Variants in THOC2 observed in about 807,000 individuals in gnomAD.
The protein encoded by THOC2 is THO complex subunit 2.
In THOC2, 10 loss-of-function variants were observed where a neutral mutation model predicts 128.4. That is an observed-to-expected ratio of 0.08 (90% CI 0.05 to 0.13). The LOEUF is 0.13. Ranked by LOEUF, THOC2 falls within the 10% of genes least tolerant of loss-of-function variation. The probability of loss-of-function intolerance (pLI) is 1.00; values close to 1 mark genes in which losing one functional copy is unlikely to be tolerated. For missense variants in THOC2, 535 were observed against 1,155.7 expected (o/e 0.46, Z 7.79); for synonymous variants, 393 against 396.9 (o/e 0.99, Z 0.12).
intron 1 of THOC2, among the ~76,000 whole-genome samples, chrX:123,722,618 C>T (rs746310603): frequency 2.5e-4 from 27 of 108,240 alleles, no homozygotes; most frequent in Admixed American, 2.4e-3. Flanking sequence ...ACCTAATGCA[C>T]GTGGGGCTTA....
At chrX:123,722,505 G>T (rs757279393) in intron 1 of THOC2, among the ~76,000 whole-genome samples, 2 of 110,512 alleles carry the variant, frequency 1.8e-5, no homozygotes, top group East Asian at 5.7e-4. Context: ...ACTCATAAGT[G>T]AGAGCTGAAC....
intron 38 of THOC2, among the ~76,000 whole-genome samples, chrX:123,608,573 A>C (rs907272471): frequency 9.0e-6 from 1 of 110,519 alleles, no homozygotes; most frequent in Non-Finnish European, 1.9e-5. Context: ...AAAATACAAA[A>C]ATTAGCCAGG....
At chrX:123,723,126 C>G (rs1229347655) in intron 1 of THOC2, among the ~76,000 whole-genome samples, 2 of 110,654 alleles carry the variant, frequency 1.8e-5, no homozygotes, top group Non-Finnish European at 3.8e-5. Context: ...TTGCAGTGAG[C>G]CAAGATCACG....
intron 3 of THOC2, among the ~76,000 whole-genome samples, chrX:123,703,725 CAAAAAAAAAAAAAAAA>C (rs761049104): frequency 3.4e-5 from 1 of 29,771 alleles, no homozygotes; most frequent in Non-Finnish European, 5.4e-5. Context: ...CCATCTCTAC[CAAAAAAAAAAAAAAAA>C]AAAAAAAAAA....
At chrX:123,673,270 C>T (rs772109800) in intron 8 of THOC2, among the ~76,000 whole-genome samples, 4 of 111,801 alleles carry the variant, frequency 3.6e-5, no homozygotes, top group Admixed American at 9.5e-5. Context: ...GCCCGGGAGG[C>T]GGAGGTTGCA....
chrX:123,676,592 G>A (rs929349087), intron 8 of THOC2, among the ~76,000 whole-genome samples: 7 of 112,170 alleles, frequency 6.2e-5, no homozygotes, highest in African/African-American at 1.3e-4. Flanking sequence ...TTTTTGTGGC[G>A]AGACAGAGCT....
intron 7 of THOC2, among the ~76,000 whole-genome samples, chrX:123,687,609 T>C (rs926267503): frequency 8.9e-6 from 1 of 111,952 alleles, no homozygotes; most frequent in Non-Finnish European, 1.9e-5. Context: ...TTCCATAGGT[T>C]GTATGTCCCA....
intron 38 of THOC2, among the ~76,000 whole-genome samples, chrX:123,604,515 T>C (rs1051240594): frequency 9.0e-6 from 1 of 111,247 alleles, no homozygotes; most frequent in Admixed American, 9.6e-5. Flanking sequence ...CAGAGAGCTG[T>C]GATAGCAAGA....
intron 12 of THOC2, among the ~76,000 whole-genome samples, chrX:123,654,758 CAAAAAAAAAA>C (rs149260708): frequency 1.6e-4 from 4 of 24,360 alleles, no homozygotes; most frequent in East Asian, 2.1e-3. Context: ...GACTCCGTCT[CAAAAAAAAAA>C]AAAAAAAAAA....
intron 22 of THOC2, among the ~76,000 whole-genome samples, chrX:123,630,569 C>T (rs945750090): frequency 1.0e-5 from 1 of 95,356 alleles, no homozygotes; most frequent in Non-Finnish European, 2.0e-5. Context: ...GCTGAGATTG[C>T]GCCACTGCAC....
At chrX:123,648,056 A>G (rs1215351313) in intron 12 of THOC2, among the ~76,000 whole-genome samples, 5 of 110,631 alleles carry the variant, frequency 4.5e-5, no homozygotes, top group Non-Finnish European at 7.6e-5. Flanking sequence ...GCAGCTCCCA[A>G]CAAGATCAAC....
At chrX:123,607,068 A>AAGTT (rs1410239889) in intron 38 of THOC2, among the ~76,000 whole-genome samples, 5 of 110,544 alleles carry the variant, frequency 4.5e-5, no homozygotes, top group Admixed American at 1.9e-4. Flanking sequence ...AAAAAAAAAA[A>AAGTT]AGTTAAAGTA....
intron 34 of THOC2, 101 bp downstream of exon 34, chrX:123,613,951 A>T (rs1175900580): frequency 1.2e-6 from 1 of 846,179 alleles, no homozygotes; most frequent in Non-Finnish European, 1.6e-6. Context: ...ATGAAATAAC[A>T]GACTACTATG....
At chrX:123,680,015 C>G (rs947306169) in intron 8 of THOC2, among the ~76,000 whole-genome samples, 3 of 112,214 alleles carry the variant, frequency 2.7e-5, no homozygotes, top group African/African-American at 9.7e-5. Flanking sequence ...TTTCTCTCCA[C>G]GTGATAGCCT....
At chrX:123,640,422 T>G (rs2047867716) in intron 16 of THOC2, 116 bp downstream of exon 16, 2 of 476,608 alleles carry the variant, frequency 4.2e-6, no homozygotes. Flanking sequence ...AGTAATTTTG[T>G]TTTTAGCATA....
intron 36 of THOC2, among the ~76,000 whole-genome samples, chrX:123,611,872 C>T (rs2046713581): frequency 1.9e-5 from 2 of 107,975 alleles, no homozygotes; most frequent in Non-Finnish European, 3.8e-5. Context: ...GGTATCTGAA[C>T]AGATTTCTTG....
chrX:123,699,823 T>C (rs1027950608), intron 4 of THOC2, among the ~76,000 whole-genome samples: 1 of 112,270 alleles, frequency 8.9e-6, no homozygotes, highest in Non-Finnish European at 1.9e-5. Flanking sequence ...ATTACTTAAA[T>C]GTCTAACCAT....
Position 123,600,811 on chromosome X carries a change from T to A in THOC2, c.*546A>T, listed in dbSNP as rs2046251925. 1 of 112,479 alleles carries A rather than the reference T, an allele frequency of 8.9e-6. No individual in the cohort carries two copies. Among genetic ancestry groups the A allele is most frequent in the Admixed American group, 9.5e-5 (1 of 10,571 alleles). 9.3% of individuals were successfully genotyped at this position (112,479 alleles called of 1,213,427 possible). ...TGATCGCTGGTACCTTTTTCTTTTT[T>A]AAACACGTTTAATGTTGTACATGTA... is the stretch of plus-strand genomic sequence containing the variant. On this transcript the variant is annotated 3_prime_UTR_variant, in exon 39 of 39. Coordinates refer to ENST00000245838, the MANE Select transcript of THOC2 (RefSeq NM_001081550.2).
At chrX:123,709,891 T>C (rs898378518) in intron 2 of THOC2, among the ~76,000 whole-genome samples, 17 of 111,075 alleles carry the variant, frequency 1.5e-4, no homozygotes, top group Admixed American at 4.8e-4. Context: ...TTAGCCATCA[T>C]TACAATGTTG....
Sources: allele counts gnomAD v4.1 joint callset (sites outside exome capture counted in the v4.1 genomes callset), GRCh38; gene constraint gnomAD v4.1.1; transcripts MANE v1.5; gene names NCBI Gene and HGNC (gene_info 2026-07-23, HGNC 2026-07-21).